CCDC178: variants seen among roughly 807,000 people sequenced by gnomAD.
The protein encoded by CCDC178 is coiled-coil domain-containing protein 178.
A neutral mutation model predicts 117.4 loss-of-function variants in CCDC178; 126 were observed. The ratio of observed to expected loss-of-function variants is 1.07; its 90% CI spans 0.93 to 1.24. The LOEUF (loss-of-function observed/expected upper bound fraction) is 1.24. CCDC178 is among the 50% of genes most tolerant of loss of function. CCDC178 has a pLI of 0.00. For missense variants in CCDC178, 1,030 were observed against 986.9 expected (o/e 1.04, Z -0.59); for synonymous variants, 283 against 313.4 (o/e 0.90, Z 1.02).
At chr18:33,199,094 T>A (rs2058964824) in intron 20 of CCDC178, among the ~76,000 whole-genome samples, 1 of 152,108 alleles carries the variant, frequency 6.6e-6, no homozygotes, top group African/African-American at 2.4e-5. Flanking sequence ...AGCTATATTT[T>A]ATCCTTATTT....
At chr18:33,012,300 T>G (rs1163569343) in intron 21 of CCDC178, among the ~76,000 whole-genome samples, 1 of 152,210 alleles carries the variant, frequency 6.6e-6, no homozygotes, top group Non-Finnish European at 1.5e-5. Context: ...ACATGCATAC[T>G]AATTATTTCA....
intron 21 of CCDC178, among the ~76,000 whole-genome samples, chr18:33,007,935 A>C (rs982164216): frequency 5.9e-5 from 9 of 152,162 alleles, no homozygotes; most frequent in African/African-American, 1.7e-4. Flanking sequence ...GTGATAGTAC[A>C]TTTGCATGTC....
intron 21 of CCDC178, among the ~76,000 whole-genome samples, chr18:32,999,625 A>G (rs891262319): frequency 6.6e-6 from 1 of 152,150 alleles, no homozygotes. Flanking sequence ...CTCCAGCTCC[A>G]TGCAGCTCAG....
At chr18:32,961,979 TTC>T (rs910956831) in intron 22 of CCDC178, among the ~76,000 whole-genome samples, 53 of 136,142 alleles carry the variant, frequency 3.9e-4, no homozygotes, top group Middle Eastern at 4.6e-3. Context: ...TATTTTTTAT[TTC>T]TGTTTTTTCT....
At chr18:33,318,751 A>G (rs1461777850) in intron 11 of CCDC178, among the ~76,000 whole-genome samples, 2 of 152,190 alleles carry the variant, frequency 1.3e-5, no homozygotes, top group African/African-American at 4.8e-5. Context: ...AATTCATAAC[A>G]AAGAGATGGT....
At chr18:32,969,438 TA>T (rs1226405098) in intron 22 of CCDC178, among the ~76,000 whole-genome samples, 1 of 152,024 alleles carries the variant, frequency 6.6e-6, no homozygotes, top group Non-Finnish European at 1.5e-5. Context: ...ATACTTGTTA[TA>T]AAATTTATTC....
chr18:33,428,730 CAAAAAAAA>C lies in CCDC178; in HGVS notation c.-23+11224_-23+11231del, dbSNP rs35234261. The stretch of plus-strand genomic sequence containing the variant: ...CTGGCAACAGAGTGAGACTCTGTCT[CAAAAAAAA>C]AAAAAAAAAAAAAAAGAGAAAAGAA... On this transcript the variant is annotated intron_variant, in intron 2 of 22. Transcript: ENST00000383096. 9.4e-5 allele frequency among the ~76,000 whole-genome samples: 4 copies of C among 42,370 alleles called. No homozygotes were observed. The South Asian group carries it at 5.0e-3, about 53-fold the overall frequency. The allele number at this position is 42,370 out of a possible 152,430, so 27.8% of individuals were successfully genotyped here. A position where few individuals can be genotyped will look rare whatever the true frequency, so the allele number is the denominator to read the frequency against.
intron 21 of CCDC178, among the ~76,000 whole-genome samples, chr18:33,035,487 A>T (rs1404935468): frequency 2.6e-5 from 4 of 152,090 alleles, no homozygotes; most frequent in Non-Finnish European, 5.9e-5. Context: ...TCTTGAAAAC[A>T]TTATGCTAAG....
At chr18:33,103,301 C>T (rs567280399) in intron 20 of CCDC178, among the ~76,000 whole-genome samples, 30 of 151,758 alleles carry the variant, frequency 2.0e-4, no homozygotes, top group African/African-American at 6.5e-4. Flanking sequence ...ATGGGGGAAA[C>T]TGCCCTCATG....
chr18:33,052,426 A>G (rs1418111026), intron 21 of CCDC178, among the ~76,000 whole-genome samples: 3 of 152,224 alleles, frequency 2.0e-5, no homozygotes, highest in African/African-American at 7.2e-5. Context: ...AAGTTATATG[A>G]TAACAATTTT....
intron 21 of CCDC178, among the ~76,000 whole-genome samples, chr18:33,036,227 T>C (rs112580189): frequency 6.6e-6 from 1 of 152,064 alleles, no homozygotes; most frequent in African/African-American, 2.4e-5. Context: ...GTAGTATCTA[T>C]AAATTCATGT....
chr18:33,412,564 C>T (rs1041745781), intron 2 of CCDC178, among the ~76,000 whole-genome samples: 3 of 152,108 alleles, frequency 2.0e-5, no homozygotes, highest in African/African-American at 7.2e-5. Flanking sequence ...TCTCCATCAA[C>T]CAATTTCAAC....
intron 21 of CCDC178, among the ~76,000 whole-genome samples, chr18:33,017,532 T>C (rs1052540840): frequency 1.3e-5 from 2 of 151,908 alleles, no homozygotes; most frequent in Non-Finnish European, 2.9e-5. Context: ...CATCTACAGG[T>C]TTAAAATAAT....
chr18:32,998,277 A>G (rs2061035575), intron 21 of CCDC178, among the ~76,000 whole-genome samples: 1 of 152,348 alleles, frequency 6.6e-6, no homozygotes, highest in South Asian at 2.1e-4. Flanking sequence ...GGGAGCATTT[A>G]GACCAGCCCT....
At chr18:33,103,979 C>G (rs2057666704) in intron 20 of CCDC178, among the ~76,000 whole-genome samples, 1 of 151,696 alleles carries the variant, frequency 6.6e-6, no homozygotes, top group South Asian at 2.1e-4. Flanking sequence ...TGGGGCTGAG[C>G]AGGGAAGACA....
At chr18:33,262,293 C>T (rs34871003) in intron 14 of CCDC178, among the ~76,000 whole-genome samples, 8,566 of 152,260 alleles carry the variant, frequency 0.056, 342 homozygotes, top group Non-Finnish European at 0.08. Flanking sequence ...TTCAGACTCA[C>T]AAATCAAAAT....
In CCDC178 at chr18:33,223,343, G is replaced by T. The variant is rs1599020483; in HGVS notation, c.1819-124C>A. ...ATTTATTTTGGCAAATAAAGGGAAA[G>T]AACCATCACACATAAATTACAGAAA... On this transcript the variant is annotated intron_variant, in intron 17 of 22. Transcript: ENST00000383096. 4.6e-6 allele frequency: 5 copies of T among 1,081,380 alleles called. No individual in the cohort carries two copies. The East Asian group carries it at 1.5e-4, about 32-fold the overall frequency. 67.0% of individuals were successfully genotyped at this position (1,081,380 alleles called of 1,614,324 possible). A position where few individuals can be genotyped will look rare whatever the true frequency, so the allele number is the denominator to read the frequency against.
intron 1 of CCDC178, 181 bp downstream of exon 1, chr18:33,440,472 C>T (rs1217016742): frequency 1.3e-5 from 2 of 152,184 alleles, no homozygotes; most frequent in African/African-American, 4.8e-5. Context: ...GGACTCCCCA[C>T]CGCCTCTGGA....
intron 2 of CCDC178, among the ~76,000 whole-genome samples, chr18:33,416,178 A>G (rs1358905492): frequency 6.6e-6 from 1 of 152,216 alleles, no homozygotes; most frequent in African/African-American, 2.4e-5. Context: ...CTGTAATCCC[A>G]GCACTTTGGG....
Sources: gnomAD v4.1 joint callset for allele counts (sites outside exome capture counted in the v4.1 genomes callset) on GRCh38, gnomAD v4.1.1 for gene constraint, MANE v1.5 for transcripts, NCBI Gene and HGNC (gene_info 2026-07-23, HGNC 2026-07-21) for gene names.